CRYBG1: variants seen among roughly 807,000 people sequenced by gnomAD.
The protein encoded by CRYBG1 is crystallin beta-gamma domain containing 1.
In CRYBG1, 139 loss-of-function variants were observed where a neutral mutation model predicts 189.2. That is an observed-to-expected ratio of 0.73 (90% CI 0.64 to 0.85). CRYBG1 has a LOEUF of 0.85. CRYBG1 is among the 40% of genes least tolerant of loss of function. CRYBG1 has a pLI of 0.00. For synonymous variants in CRYBG1, 1,023 were observed against 1,017.1 expected (o/e 1.01, Z -0.11); for missense variants, 2,611 against 2,675.8 (o/e 0.98, Z 0.53).
At chr6:106,550,252 T>C (rs1774364538) in intron 13 of CRYBG1, among the ~76,000 whole-genome samples, 1 of 152,190 alleles carries the variant, frequency 6.6e-6, no homozygotes, top group African/African-American at 2.4e-5. Flanking sequence ...GGAACACCAA[T>C]ACCTCCCTAG....
intron 1 of CRYBG1, among the ~76,000 whole-genome samples, chr6:106,363,226 AGAGCGAAACTCC>A (rs1307453552): frequency 2.3e-5 from 3 of 131,758 alleles, no homozygotes; most frequent in African/African-American, 8.8e-5. Context: ...CCTGGGCGAC[AGAGCGAAACTCC>A]GTCTCAAAAA....
At chr6:106,526,696 C>T (rs1203173039) in intron 6 of CRYBG1, among the ~76,000 whole-genome samples, 2 of 151,938 alleles carry the variant, frequency 1.3e-5, no homozygotes, top group Non-Finnish European at 2.9e-5. Context: ...AATTCCAGCA[C>T]GTTGGGAGGC....
At chr6:106,562,790 A>T (rs899490942) in intron 20 of CRYBG1, among the ~76,000 whole-genome samples, 3 of 152,072 alleles carry the variant, frequency 2.0e-5, no homozygotes, top group Non-Finnish European at 2.9e-5. Context: ...CCTGGCCTAC[A>T]ATAATACACT....
chr6:106,510,835 G>A (rs1424512873), intron 2 of CRYBG1, among the ~76,000 whole-genome samples: 2 of 152,248 alleles, frequency 1.3e-5, no homozygotes, highest in Non-Finnish European at 2.9e-5. Flanking sequence ...TGGAGCTCCG[G>A]CTAAGGCGGG....
rs779396471 is a variant in CRYBG1, at chr6:106,520,435, C to A, written c.3227C>A (p.Thr1076Asn). 10 of 1,614,182 alleles carry A rather than the reference C, an allele frequency of 6.2e-6. No homozygotes were observed. The Admixed American group carries it at 1.2e-4, about 19-fold the overall frequency. ...GCCACTCCTCAAAGGCCAGATCAGA[C>A]TGTTACAAATGGCCAGGATAGCCCT... ...HLATPQRPDQ[T>N]VTNGQDSPAS... Residue 1076 changes from threonine (T) to asparagine (N), a missense_variant, in exon 4 of 22, where the codon ACT becomes AAT. Physicochemically the swap from Thr to Asn is moderately conservative, Grantham distance 65. This residue lies in a region of CRYBG1 where 1,622 missense variants were observed against 1,735.0 expected (regional missense o/e 0.93). Coordinates refer to ENST00000633556, the MANE Select transcript of CRYBG1 (RefSeq NM_001371242.2).
rs142102046 is a variant in CRYBG1, at chr6:106,408,651, C to T, written c.174-43043C>T. ...TACTGGCAAACTGAATCCAGCAGCACATCAAAAAGCTTATCCACCACGATC... is the reference window on the plus strand; with the variant it reads ...TACTGGCAAACTGAATCCAGCAGCATATCAAAAAGCTTATCCACCACGATC... On this transcript the variant is annotated intron_variant, in intron 1 of 21. Coordinates refer to ENST00000633556, the MANE Select transcript of CRYBG1 (RefSeq NM_001371242.2). Among the ~76,000 whole-genome samples the T allele has an allele frequency of 1.5e-3, 228 of 152,284 alleles. 2 individuals carry two copies. The highest frequency in any genetic ancestry group is 4.9e-3 in the African/African-American group (204 of 41,542).
intron 1 of CRYBG1, among the ~76,000 whole-genome samples, chr6:106,378,679 T>G (rs1359715944): frequency 6.6e-6 from 1 of 152,256 alleles, no homozygotes; most frequent in Non-Finnish European, 1.5e-5. Context: ...GTTGTAACTG[T>G]ATCTTCAGAA....
intron 1 of CRYBG1, among the ~76,000 whole-genome samples, chr6:106,391,416 G>A (rs1770499257): frequency 1.3e-5 from 2 of 152,024 alleles, no homozygotes; most frequent in African/African-American, 4.8e-5. Context: ...GATGTACAGT[G>A]CTAGTTGATA....
intron 4 of CRYBG1, among the ~76,000 whole-genome samples, chr6:106,523,299 C>T (rs1773652507): frequency 6.6e-6 from 1 of 152,158 alleles, no homozygotes; most frequent in Non-Finnish European, 1.5e-5. Context: ...AAAATTCTAA[C>T]TATTTCTATT....
chr6:106,511,255 A>G (rs774016592), intron 2 of CRYBG1, among the ~76,000 whole-genome samples, 175 bp from the exon 3 acceptor site: 32 of 152,364 alleles, frequency 2.1e-4, no homozygotes, highest in Non-Finnish European at 4.1e-4. Context: ...AGCAAAATTC[A>G]AAAGTAAAAC....
chr6:106,520,222 C>G lies in CRYBG1; in HGVS notation c.3014C>G (p.Pro1005Arg), dbSNP rs76362616. The change falls in exon 4 of 22, where the codon CCA becomes CGA. Residue 1005 changes from proline (P) to arginine (R), a missense_variant. This residue lies in a region of CRYBG1 where 1,622 missense variants were observed against 1,735.0 expected (regional missense o/e 0.93). Coordinates refer to ENST00000633556, the MANE Select transcript of CRYBG1 (RefSeq NM_001371242.2). ...EVVSVASCAPPQEEVLGNEHS... is the reference protein window; with the variant it reads ...EVVSVASCAPRQEEVLGNEHS... ...GTTTCCGTTGCAAGTTGTGCTCCCC[C>G]ACAAGAGGAAGTACTGGGCAATGAA... 1.8e-3 allele frequency: 2,849 copies of G among 1,614,144 alleles called. 42 individuals carry two copies. In the African/African-American group the frequency reaches 0.035, roughly 20 times the overall value.
intron 2 of CRYBG1, among the ~76,000 whole-genome samples, chr6:106,489,833 T>A (rs1772680434): frequency 6.6e-6 from 1 of 151,246 alleles, no homozygotes; most frequent in South Asian, 2.1e-4. Context: ...CATTGATAAT[T>A]GTGAATCATT....
intron 1 of CRYBG1, among the ~76,000 whole-genome samples, chr6:106,425,762 G>C (rs1259598795): frequency 6.6e-6 from 1 of 152,096 alleles, no homozygotes; most frequent in African/African-American, 2.4e-5. Context: ...CTCCTGAGTA[G>C]CTGGGATTAC....
At chr6:106,551,605 A>G (rs2114584720) in intron 13 of CRYBG1, among the ~76,000 whole-genome samples, 1 of 152,378 alleles carries the variant, frequency 6.6e-6, no homozygotes, top group Admixed American at 6.5e-5. Flanking sequence ...TGCTTTCCAC[A>G]GCAGCTAAAC....
At chr6:106,568,168 T>C (rs1284583673) in intron 21 of CRYBG1, among the ~76,000 whole-genome samples, 2 of 151,904 alleles carry the variant, frequency 1.3e-5, no homozygotes, top group African/African-American at 4.9e-5. Flanking sequence ...ATTTCAGACA[T>C]TGTAAGAGTG....
chr6:106,565,115 C>G (rs370528821), intron 21 of CRYBG1, among the ~76,000 whole-genome samples: 1 of 151,966 alleles, frequency 6.6e-6, no homozygotes, highest in African/African-American at 2.4e-5. Context: ...GTCAGGAGAT[C>G]GAGACCATCC....
rs113105212 is a variant in CRYBG1, at chr6:106,502,951, C to T, written c.313-8479C>T. On this transcript the variant is annotated intron_variant, in intron 2 of 21. Coordinates refer to ENST00000633556, the MANE Select transcript of CRYBG1 (RefSeq NM_001371242.2). ...CTCTCAAAATAACATATGCCTCATG[C>T]CCCACAAAACTTCATTCTACCTCAA... Among the ~76,000 whole-genome samples, 853 of 152,322 alleles carry T rather than the reference C, an allele frequency of 5.6e-3. 10 individuals carry two copies. The highest frequency in any genetic ancestry group is 0.019 in the African/African-American group (810 of 41,556).
At chr6:106,426,883 T>C (rs989780996) in intron 1 of CRYBG1, among the ~76,000 whole-genome samples, 1 of 152,228 alleles carries the variant, frequency 6.6e-6, no homozygotes, top group Non-Finnish European at 1.5e-5. Flanking sequence ...TAAGGGGCTG[T>C]CATTTACTTC....
chr6:106,503,928 C>G (rs11962119), intron 2 of CRYBG1, among the ~76,000 whole-genome samples: 1 of 148,928 alleles, frequency 6.7e-6, no homozygotes, highest in Non-Finnish European at 1.5e-5. Flanking sequence ...ACAGGTTAAT[C>G]TGGAAGTTAA....
Sources: gnomAD v4.1 joint callset for allele counts (sites outside exome capture counted in the v4.1 genomes callset) on GRCh38, gnomAD v4.1.1 for gene constraint, gnomAD v4.1.1 regional missense constraint, MANE v1.5 for transcripts, NCBI Gene and HGNC (gene_info 2026-07-23, HGNC 2026-07-21) for gene names.